Variants in CSMD1 observed in about 807,000 individuals in gnomAD.
CSMD1 encodes CUB and sushi domain-containing protein 1.
In CSMD1, 213 loss-of-function variants were observed where a neutral mutation model predicts 417.5. The observed-to-expected ratio is 0.51, with a 90% CI of 0.46 to 0.57. The LOEUF (loss-of-function observed/expected upper bound fraction) is 0.57, where lower values mean the gene tolerates loss of function less well. Among genes scored for constraint, CSMD1 ranks in the 20% least tolerant of loss-of-function variants. The pLI is 0.00. For missense variants in CSMD1, 6,923 were observed against 4,529.7 expected (o/e 1.53, Z -15.17); for synonymous variants, 2,862 against 1,736.8 (o/e 1.65, Z -16.11).
chr8:4,547,363 C>A (rs763339914), intron 2 of CSMD1, among the ~76,000 whole-genome samples: 1 of 152,162 alleles, frequency 6.6e-6, no homozygotes, highest in Non-Finnish European at 1.5e-5. Flanking sequence ...TTCTAAAACA[C>A]GTATCTGAAA....
chr8:3,581,706 T>C (rs898798697), intron 9 of CSMD1, among the ~76,000 whole-genome samples: 3 of 152,114 alleles, frequency 2.0e-5, no homozygotes, highest in East Asian at 1.9e-4. Flanking sequence ...TCATAGACGG[T>C]TGAGTTGAGA....
At chr8:4,103,373 A>T (rs957009119) in intron 3 of CSMD1, among the ~76,000 whole-genome samples, 8 of 151,368 alleles carry the variant, frequency 5.3e-5, no homozygotes, top group Admixed American at 2.0e-4. Context: ...ATCTCCAATG[A>T]TTTTCAGGGA....
In CSMD1 at chr8:4,825,816, C is replaced by T. The variant is rs1222922225; in HGVS notation, c.85+168516G>A. Among the ~76,000 whole-genome samples, 5 of 149,406 alleles carry T rather than the reference C, an allele frequency of 3.3e-5. No homozygotes were observed. The Middle Eastern group carries it at 0.01, about 311-fold the overall frequency. On this transcript the variant is annotated intron_variant, in intron 1 of 69. Coordinates refer to ENST00000635120, the MANE Select transcript of CSMD1 (RefSeq NM_033225.6). ...AAAAAGAAAAAAAAAAGAAATCCCA[C>T]AATCCAATTAAGAAATGGGCAAAAG... is the stretch of plus-strand genomic sequence containing the variant.
chr8:4,344,221 TTTTCCCAAA>T (rs1800647458), intron 3 of CSMD1, among the ~76,000 whole-genome samples: 1 of 152,098 alleles, frequency 6.6e-6, no homozygotes, highest in Non-Finnish European at 1.5e-5. Context: ...CTTTCCTCTG[TTTTCCCAAA>T]GGTGCCTCTG....
intron 36 of CSMD1, among the ~76,000 whole-genome samples, chr8:3,182,154 TAA>T (rs1821373841): frequency 6.6e-6 from 1 of 152,134 alleles, no homozygotes; most frequent in South Asian, 2.1e-4. Context: ...AGCAAAGAAA[TAA>T]GTTGATAATT....
intron 26 of CSMD1, among the ~76,000 whole-genome samples, chr8:3,281,555 C>G (rs563878365): frequency 3.2e-4 from 48 of 152,266 alleles, no homozygotes; most frequent in African/African-American, 1.1e-3. Flanking sequence ...TTGAAAGTGT[C>G]TTACTAAGTG....
At chr8:4,750,784 A>C (rs1159288509) in intron 1 of CSMD1, among the ~76,000 whole-genome samples, 1 of 152,180 alleles carries the variant, frequency 6.6e-6, no homozygotes, top group Non-Finnish European at 1.5e-5. Context: ...ATTAGCATAA[A>C]ATGTTTCGTT....
intron 3 of CSMD1, among the ~76,000 whole-genome samples, chr8:4,256,363 A>G (rs1803453815): frequency 6.6e-6 from 1 of 152,170 alleles, no homozygotes; most frequent in Admixed American, 6.5e-5. Context: ...GCCTCAAATG[A>G]ATACATTGCT....
intron 1 of CSMD1, among the ~76,000 whole-genome samples, chr8:4,930,784 A>C (rs1213083633): frequency 6.6e-6 from 1 of 152,202 alleles, no homozygotes; most frequent in Non-Finnish European, 1.5e-5. Context: ...AAATTAAGGA[A>C]AGCAATTTCA....
At chr8:4,320,809 A>G (rs569285694) in intron 3 of CSMD1, among the ~76,000 whole-genome samples, 15 of 152,146 alleles carry the variant, frequency 9.9e-5, no homozygotes, top group Non-Finnish European at 1.9e-4. Flanking sequence ...TAGACCTACC[A>G]TTTGACCCAA....
intron 25 of CSMD1, among the ~76,000 whole-genome samples, chr8:3,289,737 G>C (rs1489620894): frequency 1.4e-5 from 2 of 147,310 alleles, no homozygotes; most frequent in East Asian, 3.9e-4. Flanking sequence ...CCCTTTGTCA[G>C]ATGAGGAGGT....
At position 3,307,827 on chromosome 8, in the gene CSMD1, G is replaced by C. The variant is rs745512925; in HGVS notation, c.3824-6C>G. The C allele has an allele frequency of 3.1e-6, 5 of 1,610,224 alleles. No individual in the cohort carries two copies. The highest frequency in any genetic ancestry group is 1.7e-4 in the Middle Eastern group (1 of 6,028). On this transcript the variant is annotated splice_region_variant and splice_polypyrimidine_tract_variant and intron_variant, in intron 24 of 69. Coordinates refer to ENST00000635120, the MANE Select transcript of CSMD1 (RefSeq NM_033225.6). ...GATCTGACCACCACATTCCGCTGTA[G>C]AAGACACAGAGAGATGGGAACGTTC...
intron 25 of CSMD1, among the ~76,000 whole-genome samples, chr8:3,301,065 T>C (rs1399311536): frequency 2.6e-5 from 4 of 151,726 alleles, no homozygotes; most frequent in Non-Finnish European, 4.4e-5. Context: ...ACAATATACA[T>C]TGATACGTAT....
chr8:3,251,350 G>C (rs1169730115), intron 26 of CSMD1, among the ~76,000 whole-genome samples: 1 of 152,094 alleles, frequency 6.6e-6, no homozygotes, highest in Non-Finnish European at 1.5e-5. Flanking sequence ...TTTTTGTCAG[G>C]TTTGTCAAAG....
At chr8:3,984,843 C>A (rs879117864) in intron 5 of CSMD1, among the ~76,000 whole-genome samples, 2 of 148,672 alleles carry the variant, frequency 1.3e-5, no homozygotes, top group Admixed American at 6.8e-5. Context: ...GAAAAAGGAG[C>A]AAGAAGAAAG....
At chr8:3,160,785 CCATGTCCCACGGTTG>C (rs758461823) in intron 38 of CSMD1, among the ~76,000 whole-genome samples, 21 of 152,276 alleles carry the variant, frequency 1.4e-4, no homozygotes, top group Non-Finnish European at 2.8e-4. Context: ...CACATGGTAC[CCATGTCCCACGGTTG>C]ATCAGGAGAA....
At chr8:4,245,603 C>G (rs889140794) in intron 3 of CSMD1, among the ~76,000 whole-genome samples, 3 of 152,122 alleles carry the variant, frequency 2.0e-5, no homozygotes, top group Non-Finnish European at 4.4e-5. Context: ...TCAACAGGTT[C>G]CTCTGGTCAA....
intron 3 of CSMD1, among the ~76,000 whole-genome samples, chr8:4,145,505 C>G (rs867051736): frequency 6.6e-6 from 1 of 151,002 alleles, no homozygotes; most frequent in South Asian, 2.1e-4. Context: ...GCCCTGTCAC[C>G]CTCAAACATT....
intron 3 of CSMD1, among the ~76,000 whole-genome samples, chr8:4,310,719 T>C (rs1046101913): frequency 2.0e-5 from 3 of 152,096 alleles, no homozygotes; most frequent in South Asian, 2.1e-4. Context: ...CACGCAAGCA[T>C]TGTATACCAT....
Sources: allele counts gnomAD v4.1 joint callset (sites outside exome capture counted in the v4.1 genomes callset), GRCh38; gene constraint gnomAD v4.1.1; transcripts MANE v1.5; gene names NCBI Gene and HGNC (gene_info 2026-07-23, HGNC 2026-07-21).